Variants in PTPRM observed in about 807,000 individuals in gnomAD.
PTPRM encodes receptor-type tyrosine-protein phosphatase mu.
Under a neutral mutation model 186.7 loss-of-function variants are expected in PTPRM, and 47 were observed. That is an observed-to-expected ratio of 0.25 (90% CI 0.20 to 0.32). PTPRM has a LOEUF of 0.32. Ranked by LOEUF, PTPRM falls within the 10% of genes least tolerant of loss-of-function variation. The pLI is 1.00. For missense variants in PTPRM, 1,494 were observed against 1,865.0 expected (o/e 0.80, Z 3.66); for synonymous variants, 668 against 674.9 (o/e 0.99, Z 0.16).
chr18:7,963,944 C>G (rs1421953213), intron 7 of PTPRM, among the ~76,000 whole-genome samples: 1 of 152,156 alleles, frequency 6.6e-6, no homozygotes, highest in Non-Finnish European at 1.5e-5. Context: ...GCAATATCTC[C>G]TAGGAAAGGA....
intron 19 of PTPRM, among the ~76,000 whole-genome samples, chr18:8,263,805 G>A (rs1235032714): frequency 6.6e-6 from 1 of 152,270 alleles, no homozygotes; most frequent in East Asian, 1.9e-4. Flanking sequence ...ATCCACAGAG[G>A]GCATGGAAGC....
At chr18:7,822,208 GGT>G (rs1306497946) in intron 2 of PTPRM, among the ~76,000 whole-genome samples, 1 of 152,164 alleles carries the variant, frequency 6.6e-6, no homozygotes, top group Non-Finnish European at 1.5e-5. Context: ...TTTCACAGGA[GGT>G]GTGTGTATAT....
intron 2 of PTPRM, among the ~76,000 whole-genome samples, chr18:7,777,710 T>C (rs1202714742): frequency 6.6e-6 from 1 of 152,214 alleles, no homozygotes. Context: ...GCTATCAAAA[T>C]CAGTAAGAAA....
intron 2 of PTPRM, among the ~76,000 whole-genome samples, chr18:7,848,485 A>G (rs1247932686): frequency 2.0e-5 from 3 of 152,160 alleles, no homozygotes; most frequent in East Asian, 3.9e-4. Context: ...TTAAAAATAA[A>G]TTTTGTGGCT....
At chr18:7,651,602 T>C (rs1163454484) in intron 1 of PTPRM, among the ~76,000 whole-genome samples, 1 of 151,672 alleles carries the variant, frequency 6.6e-6, no homozygotes, top group Non-Finnish European at 1.5e-5. Flanking sequence ...ATGCCGCATA[T>C]CTACAACTAT....
At chr18:8,345,410 T>A (rs2095499906) in intron 23 of PTPRM, among the ~76,000 whole-genome samples, 1 of 152,024 alleles carries the variant, frequency 6.6e-6, no homozygotes, top group African/African-American at 2.4e-5. Flanking sequence ...AATAGCAGAT[T>A]TTTTTTGTAC....
At chr18:7,861,864 C>A (rs2047403391) in intron 2 of PTPRM, among the ~76,000 whole-genome samples, 1 of 151,980 alleles carries the variant, frequency 6.6e-6, no homozygotes, top group Admixed American at 6.6e-5. Flanking sequence ...CCCCACCCTG[C>A]AAAGTAGACA....
chr18:7,642,177 G>C (rs540735711), intron 1 of PTPRM, among the ~76,000 whole-genome samples: 12 of 152,286 alleles, frequency 7.9e-5, no homozygotes, highest in Non-Finnish European at 1.8e-4. Context: ...CCAAAATAGA[G>C]AGTGCCCTTA....
intron 15 of PTPRM, among the ~76,000 whole-genome samples, chr18:8,246,735 A>G (rs1032779780): frequency 3.3e-5 from 5 of 152,196 alleles, no homozygotes; most frequent in African/African-American, 1.2e-4. Flanking sequence ...TTGTAAAAAT[A>G]CCTGTAAATG....
chr18:8,285,601 G>A (rs1672199383), intron 19 of PTPRM, among the ~76,000 whole-genome samples: 1 of 152,202 alleles, frequency 6.6e-6, no homozygotes, highest in African/African-American at 2.4e-5. Context: ...CTGGCCTCAG[G>A]CTCCGAAGTA....
chr18:8,363,906 G>C (rs527986211), intron 23 of PTPRM, among the ~76,000 whole-genome samples: 1 of 152,152 alleles, frequency 6.6e-6, no homozygotes, highest in Non-Finnish European at 1.5e-5. Flanking sequence ...GTACAGATGC[G>C]GCCTTGTGCT....
intron 7 of PTPRM, among the ~76,000 whole-genome samples, chr18:7,959,899 T>A (rs909729435): frequency 6.6e-6 from 1 of 152,250 alleles, no homozygotes; most frequent in African/African-American, 2.4e-5. Flanking sequence ...TCAGCTATAG[T>A]TGGGTAACTT....
intron 7 of PTPRM, among the ~76,000 whole-genome samples, chr18:7,993,623 C>A (rs1316430909): frequency 6.6e-6 from 1 of 151,988 alleles, no homozygotes; most frequent in Non-Finnish European, 1.5e-5. Context: ...ACTATATTCA[C>A]CAAATGTGTC....
At chr18:7,956,840 T>C (rs953980926) in intron 7 of PTPRM, among the ~76,000 whole-genome samples, 3 of 152,252 alleles carry the variant, frequency 2.0e-5, no homozygotes, top group African/African-American at 7.2e-5. Flanking sequence ...ATACTGCCTA[T>C]ATCATTTGAC....
In PTPRM at chr18:7,573,568, TTTTTG is replaced by T. The variant is rs367999305; in HGVS notation, c.73+5707_73+5711del. ...AGAAACGTTGTCCTGAAAGAGGAGG[TTTTTG>T]TTTTGTTTTGTTTTGTTTTGTTTTG... is the stretch of plus-strand genomic sequence containing the variant. On this transcript the variant is annotated intron_variant, in intron 1 of 32. Coordinates refer to ENST00000580170, the MANE Select transcript of PTPRM (RefSeq NM_001105244.2). Among the ~76,000 whole-genome samples the T allele has an allele frequency of 5.8e-3, 871 of 151,084 alleles. 7 individuals carry two copies. The highest frequency in any genetic ancestry group is 0.021 in the East Asian group (107 of 5,118).
intron 7 of PTPRM, among the ~76,000 whole-genome samples, chr18:8,025,813 G>A (rs2085535121): frequency 6.6e-6 from 1 of 152,136 alleles, no homozygotes; most frequent in African/African-American, 2.4e-5. Flanking sequence ...GAGCTTTAAG[G>A]TAAAAACTCC....
chr18:8,179,091 G>C (rs1331279663), intron 14 of PTPRM, among the ~76,000 whole-genome samples: 1 of 152,162 alleles, frequency 6.6e-6, no homozygotes, highest in East Asian at 1.9e-4. Context: ...AGTCAGATTT[G>C]ATTCCTTAAA....
chr18:8,137,816 C>G (rs555430634), intron 13 of PTPRM, among the ~76,000 whole-genome samples: 2 of 152,050 alleles, frequency 1.3e-5, no homozygotes, highest in Non-Finnish European at 1.5e-5. Context: ...CATTCATTAT[C>G]GCAGCCTCTG....
At chr18:7,650,070 G>A (rs762865233) in intron 1 of PTPRM, among the ~76,000 whole-genome samples, 1 of 152,164 alleles carries the variant, frequency 6.6e-6, no homozygotes, top group Non-Finnish European at 1.5e-5. Context: ...TGTTGAGGTT[G>A]TCAGACCCAC....
Sources: gnomAD v4.1 joint callset for allele counts (sites outside exome capture counted in the v4.1 genomes callset) on GRCh38, gnomAD v4.1.1 for gene constraint, MANE v1.5 for transcripts, NCBI Gene and HGNC (gene_info 2026-07-23, HGNC 2026-07-21) for gene names.